Variants in GZMB observed in about 807,000 individuals in gnomAD.
GZMB encodes granzyme B.
GZMB carries 27 observed loss-of-function variants against 24.2 expected under a neutral mutation model. The ratio of observed to expected loss-of-function variants is 1.12; its 90% CI spans 0.82 to 1.54. GZMB has a LOEUF of 1.54. GZMB is among the 40% of genes most tolerant of loss of function. The pLI is 0.00. For missense variants in GZMB, 336 were observed against 310.1 expected, an observed-to-expected ratio of 1.08 and a Z score of -0.63; for synonymous variants, 121 against 115.1, an observed-to-expected ratio of 1.05 and a Z score of -0.33.
chr14:24,634,136 C>A lies in GZMB; in HGVS notation c.25G>T (p.Ala9Ser), dbSNP rs144990710. ...TCTGCCCTGGGCAGCAGGAGGAAGG[C>A]CAGCAGAAGCAGGATTGGTTGCATC... MQPILLLL[A>S]FLLLPRADAG... is the part of the protein sequence containing the mutation. Residue 9 changes from alanine (A) to serine (S), a missense_variant, in exon 1 of 5, where the codon GCC becomes TCC. By Grantham distance (99) the Ala-to-Ser change is moderately conservative. Coordinates refer to ENST00000216341, the MANE Select transcript of GZMB (RefSeq NM_004131.6). 9.4e-6 allele frequency: 15 copies of A among 1,594,458 alleles called. No homozygotes were observed. The African/African-American group carries it at 1.1e-4, about 11-fold the overall frequency.
chr14:24,633,013 C>T lies in GZMB; in HGVS notation c.105G>A (p.Met35Ile). ...TCTGATCCCAGATCATAAGATAAGC[C>T]ATGTAGGGGCGGGAGTGGGGCTTGG... ...HEAKPHSRPY[M>I]AYLMIWDQKS... The change falls in exon 2 of 5, where the codon ATG becomes ATA. Residue 35 changes from methionine (M) to isoleucine (I), a missense_variant. Physicochemically the swap from Met to Ile is conservative, Grantham distance 10. Transcript: ENST00000216341. The T allele has an allele frequency of 6.2e-7, 1 of 1,613,820 alleles. No homozygotes were observed. Among genetic ancestry groups the T allele is most frequent in the Non-Finnish European group, 8.5e-7 (1 of 1,179,846 alleles).
chr14:24,634,054 A>C, intron 1 of GZMB, 52 bp downstream of exon 1: 1 of 1,466,334 alleles, frequency 6.8e-7, no homozygotes, highest in Non-Finnish European at 9.4e-7. Flanking sequence ...GAGAAAGGGC[A>C]GGAGACCTGT....
intron 2 of GZMB, 73 bp downstream of exon 2, chr14:24,632,842 A>T: frequency 2.1e-6 from 3 of 1,427,356 alleles, no homozygotes; most frequent in East Asian, 2.3e-5. Context: ...GAGCCCAGGG[A>T]GCTCCTTGGG....
At chr14:24,632,799 T>C in intron 2 of GZMB, 116 bp downstream of exon 2, 1 of 1,108,694 alleles carries the variant, frequency 9.0e-7, no homozygotes, top group Non-Finnish European at 1.4e-6. Context: ...TTTCTCACCC[T>C]CTAAGGAGAC....
chr14:24,631,250 C>T (rs928442285), intron 4 of GZMB, 36 bp from the exon 5 acceptor site: 7 of 1,590,922 alleles, frequency 4.4e-6, no homozygotes, highest in African/African-American at 1.3e-5. Context: ...AGCTGATGCT[C>T]CTCCGGGTCC....
chr14:24,631,749 T>G, intron 4 of GZMB, 109 bp downstream of exon 4: 1 of 898,700 alleles, frequency 1.1e-6, no homozygotes, highest in Non-Finnish European at 1.8e-6. Flanking sequence ...GAGAGAAATA[T>G]CACAGTCTAG....
chr14:24,631,159 T>A lies in GZMB; in HGVS notation c.656A>T (p.Tyr219Phe). 6.2e-7 allele frequency: 1 copy of A among 1,611,804 alleles called. No homozygotes were observed. Among genetic ancestry groups the A allele is most frequent in the Non-Finnish European group, 8.5e-7 (1 of 1,177,932 alleles). The change falls in exon 5 of 5, where the codon TAT becomes TTT. Residue 219 changes from tyrosine to phenylalanine, a missense_variant. Transcript: ENST00000216341. ...CNKVAQGIVSYGRNNGMPPRA... is the reference protein window; with the variant it reads ...CNKVAQGIVSFGRNNGMPPRA... Reference sequence around the variant, plus strand: ...TGGAGGCATGCCATTGTTTCGTCCATAGGAGACAATGCCCTGGGCCACCTT... The same window carrying A: ...TGGAGGCATGCCATTGTTTCGTCCAAAGGAGACAATGCCCTGGGCCACCTT...
Position 24,632,071 on chromosome 14 carries a change from T to A in GZMB, c.387A>T (p.Leu129=). ...KRTRAVQPLR[L]PSNKAQVKPG... Reference sequence around the variant, plus strand: ...GCTTCACCTGGGCCTTGTTGCTAGGTAGCCTGAGGGGCTGCACAGCTCTGG... The same window carrying A: ...GCTTCACCTGGGCCTTGTTGCTAGGAAGCCTGAGGGGCTGCACAGCTCTGG... Residue 129 remains leucine (L), a synonymous_variant, in exon 4 of 5, where the codon CTA becomes CTT. Transcript: ENST00000216341. 1 of 1,614,162 alleles carries A rather than the reference T, an allele frequency of 6.2e-7. No individual in the cohort carries two copies. The highest frequency in any genetic ancestry group is 8.5e-7 in the Non-Finnish European group (1 of 1,179,986).
intron 2 of GZMB, 131 bp from the exon 3 acceptor site, chr14:24,632,590 A>G: frequency 2.8e-6 from 4 of 1,425,940 alleles, no homozygotes; most frequent in Non-Finnish European, 3.9e-6. Context: ...GTCCCCAGGA[A>G]TTGGAATTCT....
chr14:24,633,145 C>A, intron 1 of GZMB, 83 bp from the exon 2 acceptor site: 2 of 1,499,290 alleles, frequency 1.3e-6, no homozygotes, highest in Non-Finnish European at 1.8e-6. Context: ...AACTCCTGGG[C>A]ATTTGGGAGC....
intron 3 of GZMB, 37 bp from the exon 4 acceptor site, chr14:24,632,155 A>G: frequency 2.5e-6 from 4 of 1,607,704 alleles, no homozygotes; most frequent in Non-Finnish European, 2.6e-6. Context: ...AGGTCAGCCA[A>G]CGAACTTCTG....
At chr14:24,632,889 G>A in intron 2 of GZMB, 26 bp downstream of exon 2, 3 of 1,602,656 alleles carry the variant, frequency 1.9e-6, no homozygotes, top group Non-Finnish European at 2.6e-6. Flanking sequence ...TTTCCAGGAG[G>A]GTGTGGGCTG....
In GZMB at chr14:24,631,046, C is replaced by CGG. The variant is rs1469829006; in HGVS notation, c.*23_*24dup. On this transcript the variant is annotated 3_prime_UTR_variant, in exon 5 of 5. Transcript: ENST00000216341. ...CTCCAGAGAAGGTGTTTCATTACAG[C>CGG]GGGGGCTTAGTTTGCTTCCTGTAGT... 1.4e-5 allele frequency: 22 copies of CGG among 1,592,616 alleles called. No individual in the cohort carries two copies. The highest frequency in any genetic ancestry group is 1.7e-5 in the Non-Finnish European group (20 of 1,161,284).
chr14:24,632,687 C>A, intron 2 of GZMB: 1 of 821,976 alleles, frequency 1.2e-6, no homozygotes, highest in Non-Finnish European at 2.0e-6. Context: ...CCAAAGTATG[C>A]CCCCAGTTCT....
At chr14:24,631,239 G>A in intron 4 of GZMB, 25 bp from the exon 5 acceptor site, 1 of 1,605,202 alleles carries the variant, frequency 6.2e-7, no homozygotes, top group Non-Finnish European at 8.5e-7. Flanking sequence ...TGGAAGGACT[G>A]AGCTGATGCT....
At chr14:24,632,554 C>G in intron 2 of GZMB, 95 bp from the exon 3 acceptor site, 2 of 1,588,514 alleles carry the variant, frequency 1.3e-6, no homozygotes, top group Non-Finnish European at 1.7e-6. Flanking sequence ...AGGGCTGCAG[C>G]TGAGGGGAAA....
chr14:24,632,519 G>C lies in GZMB; in HGVS notation c.204-60C>G, dbSNP rs1394313911. 3.1e-6 allele frequency: 5 copies of C among 1,611,362 alleles called. No homozygotes were observed. The East Asian group carries it at 1.1e-4, about 36-fold the overall frequency. ...TCACAGGGTATACAGCCCAGAGACA[G>C]TGAAGAGCAGGTGACAGCTGGGGCA... is the stretch of plus-strand genomic sequence containing the variant. On this transcript the variant is annotated intron_variant, in intron 2 of 4. Coordinates refer to ENST00000216341, the MANE Select transcript of GZMB (RefSeq NM_004131.6).
At chr14:24,633,320 A>T (rs768030329) in intron 1 of GZMB, 155 of 984,976 alleles carry the variant, frequency 1.6e-4, no homozygotes, top group Non-Finnish European at 1.8e-4. Context: ...GCTCCTGATC[A>T]TTCCTCTCCT....
intron 1 of GZMB, 66 bp from the exon 2 acceptor site, chr14:24,633,128 G>T: frequency 1.5e-5 from 23 of 1,516,464 alleles, no homozygotes; most frequent in Non-Finnish European, 1.8e-5. Context: ...CTGCTTAGTG[G>T]CTCCAGAACT....
Sources: gnomAD v4.1 joint callset for allele counts on GRCh38, gnomAD v4.1.1 for gene constraint, MANE v1.5 for transcripts, NCBI Gene and HGNC (gene_info 2026-07-23, HGNC 2026-07-21) for gene names.